The following TRIM16 variants were observed in gnomAD, a reference collection of about 807,000 sequenced individuals.
The protein encoded by TRIM16 is tripartite motif containing 16, also known as tripartite motif-containing protein 16.
TRIM16 carries 33 observed loss-of-function variants against 50.4 expected under a neutral mutation model. That is an observed-to-expected ratio of 0.65 (90% CI 0.50 to 0.88). TRIM16 has a LOEUF of 0.88. Among genes scored for constraint, TRIM16 ranks in the 40% least tolerant of loss-of-function variants. The pLI is 0.00. For missense variants in TRIM16, 581 were observed against 686.8 expected (o/e 0.85, Z 1.72); for synonymous variants, 229 against 270.7 (o/e 0.85, Z 1.51).
chr17:15,647,951 C>T (rs1224015168), intron 7 of TRIM16, among the ~76,000 whole-genome samples: 1 of 152,134 alleles, frequency 6.6e-6, no homozygotes, highest in Non-Finnish European at 1.5e-5. Context: ...GGGGGCCGGG[C>T]GTGGTGGCTC....
chr17:15,658,997 A>C, intron 6 of TRIM16: 2 of 440,522 alleles, frequency 4.5e-6, no homozygotes, highest in Non-Finnish European at 6.0e-6. Context: ...TCCTAGTCTC[A>C]GAACACGATT....
At chr17:15,647,619 A>G (rs534290249) in intron 7 of TRIM16, among the ~76,000 whole-genome samples, 1 of 152,118 alleles carries the variant, frequency 6.6e-6, no homozygotes, top group African/African-American at 2.4e-5. Context: ...GCCTCTTGGC[A>G]CTCTGTGGAG....
At chr17:15,630,653 TA>T (rs199886742) in intron 11 of TRIM16, among the ~76,000 whole-genome samples, 3 of 151,476 alleles carry the variant, frequency 2.0e-5, no homozygotes, top group African/African-American at 4.9e-5. Context: ...TACAATTGTT[TA>T]AAAATTTTTT....
At chr17:15,644,612 G>T (rs1987269845) in intron 7 of TRIM16, among the ~76,000 whole-genome samples, 1 of 152,056 alleles carries the variant, frequency 6.6e-6, no homozygotes, top group Non-Finnish European at 1.5e-5. Context: ...AGATGGGGCT[G>T]AAAGTCAAAC....
chr17:15,651,270 G>C lies in TRIM16; in HGVS notation c.340C>G (p.Leu114Val). 6.2e-7 allele frequency: 1 copy of C among 1,614,256 alleles called. No homozygotes were observed. The highest frequency in any genetic ancestry group is 8.5e-7 in the Non-Finnish European group (1 of 1,180,052). The part of the protein sequence containing the change: ...HLQPHQVNIK[L>V]QSHLLTEPVK... ...GGCTCGGTCAGCAGGTGGCTTTGCA[G>C]TTTGATGTTCACCTGATGCGGCTGC... The change falls in exon 7 of 12, where the codon CTG becomes GTG. Residue 114 changes from leucine (L) to valine (V), a missense_variant. Physicochemically the swap from Leu to Val is conservative, Grantham distance 32. This residue lies in a region of TRIM16 where 450 missense variants were observed against 544.3 expected (regional missense o/e 0.83). Coordinates refer to ENST00000649191, the MANE Select transcript of TRIM16 (RefSeq NM_001348119.1).
Position 15,677,695 on chromosome 17 carries a change from A to G in TRIM16, c.-563T>C. The G allele has an allele frequency of 9.9e-7, 1 of 1,008,440 alleles. No homozygotes were observed. Among genetic ancestry groups the G allele is most frequent in the Non-Finnish European group, 1.2e-6 (1 of 841,222 alleles). 62.5% of individuals were successfully genotyped at this position (1,008,440 alleles called of 1,614,324 possible). ...TCACAGCCACATCCTTGAATGACAT[A>G]AAGCCCTGAAACACCTGCATGGGGT... is the stretch of plus-strand genomic sequence containing the variant. On this transcript the variant is annotated 5_prime_UTR_variant, in exon 5 of 12. Coordinates refer to ENST00000649191, the MANE Select transcript of TRIM16 (RefSeq NM_001348119.1).
chr17:15,634,743 G>A lies in TRIM16; in HGVS notation c.849+1293C>T, dbSNP rs528989148. Among the ~76,000 whole-genome samples the A allele has an allele frequency of 6.7e-5, 10 of 148,962 alleles. 2 individuals carry two copies. The highest frequency in any genetic ancestry group is 2.2e-4 in the African/African-American group (9 of 40,272). ...AGAGAATTGCTTGAATCCGGGAGGC[G>A]GAGGTTGCAGTGAGCCGAGATCGTG... On this transcript the variant is annotated intron_variant, in intron 9 of 11. Coordinates refer to ENST00000649191, the MANE Select transcript of TRIM16 (RefSeq NM_001348119.1).
In TRIM16 at chr17:15,651,737, T is replaced by C. The variant is rs1987720861; in HGVS notation, c.-128A>G. The C allele has an allele frequency of 3.3e-6, 5 of 1,524,230 alleles. No individual in the cohort carries two copies. The Admixed American group carries it at 1.0e-4, about 31-fold the overall frequency. The allele number at this position is 1,524,230 out of a possible 1,614,324, so 94.4% of individuals were successfully genotyped here. On this transcript the variant is annotated 5_prime_UTR_variant, in exon 7 of 12. Coordinates refer to ENST00000649191, the MANE Select transcript of TRIM16 (RefSeq NM_001348119.1). ...TGCAAGATTTTAACTGTTTCCTCCC[T>C]CCCAGAGGAAGCTCGGCCACTCATT...
At chr17:15,665,238 C>T (rs547126823) in intron 6 of TRIM16, among the ~76,000 whole-genome samples, 90 of 152,238 alleles carry the variant, frequency 5.9e-4, no homozygotes, top group African/African-American at 1.8e-3. Flanking sequence ...AGAGGCCGGG[C>T]GCAGTGGCTC....
intron 8 of TRIM16, among the ~76,000 whole-genome samples, chr17:15,637,119 G>GT (rs1170807068): frequency 5.2e-5 from 7 of 135,802 alleles, no homozygotes; most frequent in East Asian, 4.3e-4. Context: ...GGGAGGTGGG[G>GT]GGGGGGGGTC....
chr17:15,661,304 AAC>A (rs1389691782), intron 6 of TRIM16, among the ~76,000 whole-genome samples: 2 of 152,234 alleles, frequency 1.3e-5, no homozygotes, highest in Non-Finnish European at 2.9e-5. Context: ...TATGGGTACA[AAC>A]ACAGCAGGAT....
At position 15,629,144 on chromosome 17, in the gene TRIM16, T is replaced by C; in HGVS notation, c.1166A>G (p.Gln389Arg). Reference protein sequence around the residue: ...PDTAHKYLRLQEENRKVTNTT... With the variant: ...PDTAHKYLRLREENRKVTNTT... The stretch of plus-strand genomic sequence containing the variant: ...GTTGGTGACCTTGCGGTTCTCCTCC[T>C]GCAGCCGGAGATACTTGTGTGCTGT... The change falls in exon 12 of 12, where the codon CAG becomes CGG. Residue 389 changes from glutamine (Q) to arginine (R), a missense_variant. Coordinates refer to ENST00000649191, the MANE Select transcript of TRIM16 (RefSeq NM_001348119.1). 6.2e-6 allele frequency: 10 copies of C among 1,612,926 alleles called. No individual in the cohort carries two copies. The highest frequency in any genetic ancestry group is 8.5e-6 in the Non-Finnish European group (10 of 1,179,246).
chr17:15,635,928 C>T, intron 9 of TRIM16, 108 bp downstream of exon 9: 1 of 1,011,666 alleles, frequency 9.9e-7, no homozygotes, highest in South Asian at 1.6e-5. Flanking sequence ...TCCCTGTGCA[C>T]ACCATTTAAC....
chr17:15,647,602 C>T (rs551788250), intron 7 of TRIM16, among the ~76,000 whole-genome samples: 7 of 152,170 alleles, frequency 4.6e-5, no homozygotes, highest in South Asian at 2.1e-4. Context: ...GTAATTGCAC[C>T]GTGCCAGCCT....
At chr17:15,637,605 C>A (rs1334002253) in intron 8 of TRIM16, among the ~76,000 whole-genome samples, 127 of 141,648 alleles carry the variant, frequency 9.0e-4, no homozygotes, top group East Asian at 4.2e-3. Context: ...CCAGCCGCCC[C>A]GTCCGGGAGG....
chr17:15,666,743 A>G (rs1988518145), intron 6 of TRIM16, among the ~76,000 whole-genome samples: 1 of 152,248 alleles, frequency 6.6e-6, no homozygotes, highest in Non-Finnish European at 1.5e-5. Flanking sequence ...GCGTATCAGT[A>G]GCCTGTTGTT....
At chr17:15,629,407 A>T (rs578142895) in intron 11 of TRIM16, among the ~76,000 whole-genome samples, 20 of 152,366 alleles carry the variant, frequency 1.3e-4, no homozygotes, top group Non-Finnish European at 2.9e-4. Flanking sequence ...TTCCCTTATG[A>T]AGCTCAAGTT....
intron 6 of TRIM16, among the ~76,000 whole-genome samples, chr17:15,659,975 G>A (rs1035906448): frequency 1.3e-5 from 2 of 151,022 alleles, no homozygotes; most frequent in Admixed American, 1.3e-4. Context: ...AGGGCAGGCC[G>A]GGCTTGCTGG....
At position 15,632,368 on chromosome 17, in the gene TRIM16, C is replaced by T. The variant is rs188168365; in HGVS notation, c.1015+141G>A. On this transcript the variant is annotated intron_variant, in intron 10 of 11. Coordinates refer to ENST00000649191, the MANE Select transcript of TRIM16 (RefSeq NM_001348119.1). Reference sequence around the variant, plus strand: ...CTCCAGCCTGGGTGACAGAGCAAGACTGTCTCACAGAAAAAGAAAAAAAAA... The same window carrying T: ...CTCCAGCCTGGGTGACAGAGCAAGATTGTCTCACAGAAAAAGAAAAAAAAA... 2.7e-4 allele frequency: 353 copies of T among 1,307,204 alleles called. 1 individual carries two copies. The highest frequency in any genetic ancestry group is 6.7e-4 in the Admixed American group (27 of 40,188). The allele number at this position is 1,307,204 out of a possible 1,614,324, so 81.0% of individuals were successfully genotyped here.
Sources: gnomAD v4.1 joint callset for allele counts (sites outside exome capture counted in the v4.1 genomes callset) on GRCh38, gnomAD v4.1.1 for gene constraint, gnomAD v4.1.1 regional missense constraint, MANE v1.5 for transcripts, NCBI Gene and HGNC (gene_info 2026-07-23, HGNC 2026-07-21) for gene names.